Variants in MAML3 observed in about 807,000 individuals in gnomAD.
MAML3 encodes mastermind like transcriptional coactivator 3.
A neutral mutation model predicts 101.9 loss-of-function variants in MAML3; 27 were observed. The ratio of observed to expected loss-of-function variants is 0.27; its 90% CI spans 0.20 to 0.37. The LOEUF (loss-of-function observed/expected upper bound fraction) is 0.37, where lower values mean the gene tolerates loss of function less well. Among genes scored for constraint, MAML3 ranks in the 10% least tolerant of loss-of-function variants. MAML3 has a pLI of 1.00. For missense variants in MAML3, 1,316 were observed against 1,444.9 expected (o/e 0.91, Z 1.45); for synonymous variants, 501 against 555.9 (o/e 0.90, Z 1.39).
intron 1 of MAML3, among the ~76,000 whole-genome samples, chr4:140,023,082 A>T (rs148288578): frequency 1.3e-5 from 2 of 152,320 alleles, no homozygotes; most frequent in African/African-American, 4.8e-5. Flanking sequence ...CCTGTATAAT[A>T]TATGGAACCC....
At chr4:139,789,980 T>C (rs1299903870) in intron 2 of MAML3, among the ~76,000 whole-genome samples, 4 of 152,012 alleles carry the variant, frequency 2.6e-5, no homozygotes, top group Admixed American at 2.6e-4. Context: ...AGGAGAAGTC[T>C]AGCTGACTGT....
At chr4:140,147,035 A>C (rs1436861333) in intron 1 of MAML3, among the ~76,000 whole-genome samples, 1 of 148,422 alleles carries the variant, frequency 6.7e-6, no homozygotes, top group African/African-American at 2.5e-5. Context: ...CGGGAGGCTG[A>C]GGCAGGGGAA....
intron 1 of MAML3, among the ~76,000 whole-genome samples, chr4:139,900,011 C>G (rs754857809): frequency 3.9e-5 from 6 of 152,158 alleles, no homozygotes; most frequent in East Asian, 1.9e-4. Flanking sequence ...TAGTGGGCAT[C>G]TGAAATAATA....
At chr4:140,086,252 A>C (rs2110975265) in intron 1 of MAML3, among the ~76,000 whole-genome samples, 1 of 152,312 alleles carries the variant, frequency 6.6e-6, no homozygotes, top group African/African-American at 2.4e-5. Context: ...CTACCTCACA[A>C]ATGTGTCTGG....
rs56928318 is a variant in MAML3, at chr4:139,864,923, C to CTTGTTTTTTTTTTTTTTTTTTTTTT, written c.2079+24433_2079+24434insAAAAAAAAAAAAAAAAAAAAAACAA. ...TTAGGAAAATAGTAATGCAAACTTG[C>CTTGTTTTTTTTTTTTTTTTTTTTTT]TTTTTTTTTTTTTTTTTTTTTTTTT... On this transcript the variant is annotated intron_variant, in intron 2 of 4. Transcript: ENST00000509479. Among the ~76,000 whole-genome samples, 7 of 62,456 alleles carry CTTGTTTTTTTTTTTTTTTTTTTTTT rather than the reference C, an allele frequency of 1.1e-4. 3 individuals are homozygous for CTTGTTTTTTTTTTTTTTTTTTTTTT. Among genetic ancestry groups the CTTGTTTTTTTTTTTTTTTTTTTTTT allele is most frequent in the African/African-American group, 3.5e-4 (6 of 17,052 alleles). 41.0% of individuals were successfully genotyped at this position (62,456 alleles called of 152,430 possible).
chr4:140,037,753 A>G (rs1011950569), intron 1 of MAML3, among the ~76,000 whole-genome samples: 4 of 152,260 alleles, frequency 2.6e-5, no homozygotes, highest in African/African-American at 7.2e-5. Context: ...ACCCTAAGGT[A>G]CGTGTATTTC....
At chr4:139,817,811 A>C (rs1436890555) in intron 2 of MAML3, among the ~76,000 whole-genome samples, 2 of 152,064 alleles carry the variant, frequency 1.3e-5, no homozygotes, top group East Asian at 3.9e-4. Context: ...GCTTTGCCCC[A>C]CCCCACTTTC....
At chr4:139,863,291 G>C (rs1201994372) in intron 2 of MAML3, among the ~76,000 whole-genome samples, 1 of 148,088 alleles carries the variant, frequency 6.8e-6, no homozygotes, top group African/African-American at 2.5e-5. Flanking sequence ...TTGTTCATTT[G>C]TTTGTTGTGA....
intron 2 of MAML3, among the ~76,000 whole-genome samples, chr4:139,822,588 T>C (rs1009146739): frequency 6.6e-5 from 10 of 152,234 alleles, no homozygotes; most frequent in African/African-American, 2.2e-4. Context: ...TCCATCAGAA[T>C]TGGAGCTTCC....
chr4:139,723,417 T>C (rs540458075), intron 4 of MAML3, among the ~76,000 whole-genome samples: 197 of 152,272 alleles, frequency 1.3e-3, no homozygotes, highest in African/African-American at 4.5e-3. Context: ...TTCAAGCAAT[T>C]CTCCTGCCCC....
rs148557063 is a variant in MAML3, at chr4:139,809,428, A to G, written c.2080-78761T>C. On this transcript the variant is annotated intron_variant, in intron 2 of 4. Transcript: ENST00000509479. ...GTTTATTTTTTCACTGTACAGAAGC[A>G]GCCACAGCACCACACCTCTACCCTC... Among the ~76,000 whole-genome samples, 119 of 152,348 alleles carry G rather than the reference A, an allele frequency of 7.8e-4. No individual in the cohort carries two copies. In the East Asian group the frequency reaches 0.021, roughly 27 times the overall value.
At chr4:139,779,633 T>C (rs1560791922) in intron 2 of MAML3, among the ~76,000 whole-genome samples, 1 of 152,230 alleles carries the variant, frequency 6.6e-6, no homozygotes, top group Non-Finnish European at 1.5e-5. Flanking sequence ...CTGCCAGCAA[T>C]ACACATGACC....
chr4:140,027,984 A>G (rs1447039553), intron 1 of MAML3, among the ~76,000 whole-genome samples: 1 of 152,176 alleles, frequency 6.6e-6, no homozygotes, highest in Non-Finnish European at 1.5e-5. Flanking sequence ...ATGTTCACAT[A>G]TTTACCCTCT....
chr4:139,922,988 C>T (rs1009787100), intron 1 of MAML3, among the ~76,000 whole-genome samples: 2 of 152,116 alleles, frequency 1.3e-5, no homozygotes, highest in Non-Finnish European at 2.9e-5. Flanking sequence ...CTCACGGGAT[C>T]CCCTGCACCC....
intron 1 of MAML3, among the ~76,000 whole-genome samples, chr4:140,023,725 T>G (rs548367118): frequency 1.3e-5 from 2 of 152,350 alleles, no homozygotes; most frequent in Non-Finnish European, 2.9e-5. Flanking sequence ...TTCTTACAAC[T>G]GATTCTTTAG....
chr4:139,950,831 A>T (rs990633716), intron 1 of MAML3, among the ~76,000 whole-genome samples: 3 of 152,068 alleles, frequency 2.0e-5, no homozygotes, highest in African/African-American at 7.2e-5. Context: ...TGCCCAAGGG[A>T]ACAGCACCAC....
At chr4:139,762,221 C>T (rs1398172467) in intron 2 of MAML3, among the ~76,000 whole-genome samples, 1 of 152,170 alleles carries the variant, frequency 6.6e-6, no homozygotes, top group East Asian at 1.9e-4. Context: ...TAATTCATCA[C>T]TATATCCCCC....
rs527761642 is a variant in MAML3 at position 140,127,985 on chromosome 4, T to A, written c.468+24875A>T. The A allele has an allele frequency of 2.6e-4, 39 of 152,318 alleles. 1 individual carries two copies. Among genetic ancestry groups the A allele is most frequent in the Admixed American group, 5.9e-4 (9 of 15,302 alleles). The allele number at this position is 152,318 out of a possible 1,614,324, so 9.4% of individuals were successfully genotyped here. A position where few individuals can be genotyped will look rare whatever the true frequency, so the allele number is the denominator to read the frequency against. On this transcript the variant is annotated intron_variant, in intron 1 of 4. Coordinates refer to ENST00000509479, the MANE Select transcript of MAML3 (RefSeq NM_018717.5). ...GTGACATCAAATCTTGGAGCCACTT[T>A]AATGTGACTTCACTAAATTGCCTTC...
intron 1 of MAML3, among the ~76,000 whole-genome samples, chr4:140,014,230 T>A (rs1726608262): frequency 6.6e-6 from 1 of 152,186 alleles, no homozygotes; most frequent in South Asian, 2.1e-4. Context: ...GCTCATTTGT[T>A]AAGCAGCTTG....
Sources: gnomAD v4.1 joint callset for allele counts (sites outside exome capture counted in the v4.1 genomes callset) on GRCh38, gnomAD v4.1.1 for gene constraint, MANE v1.5 for transcripts, NCBI Gene and HGNC (gene_info 2026-07-23, HGNC 2026-07-21) for gene names.